Variants in CADM2 observed in about 807,000 individuals in gnomAD.
The protein encoded by CADM2 is cell adhesion molecule 2.
CADM2 carries 12 observed loss-of-function variants against 49.8 expected under a neutral mutation model. The observed-to-expected ratio is 0.24, with a 90% CI of 0.15 to 0.39. The LOEUF (loss-of-function observed/expected upper bound fraction) is 0.39. Among genes scored for constraint, CADM2 ranks in the 10% least tolerant of loss-of-function variants. CADM2 has a pLI of 1.00. For missense variants in CADM2, 378 were observed against 492.3 expected, an observed-to-expected ratio of 0.77 and a Z score of 2.20; for synonymous variants, 214 against 175.4, an observed-to-expected ratio of 1.22 and a Z score of -1.74.
chr3:85,052,008 C>T (rs2035900170), intron 1 of CADM2, among the ~76,000 whole-genome samples: 2 of 152,040 alleles, frequency 1.3e-5, no homozygotes, highest in Admixed American at 1.3e-4. Flanking sequence ...ATAGCTAAAC[C>T]AAATCTGGAA....
intron 3 of CADM2, among the ~76,000 whole-genome samples, chr3:85,827,799 C>A (rs541774328): frequency 6.6e-6 from 1 of 151,912 alleles, no homozygotes; most frequent in Non-Finnish European, 1.5e-5. Flanking sequence ...TCTCATATAT[C>A]GTACTCAAAG....
At chr3:85,468,145 C>T (rs2038593916) in intron 1 of CADM2, among the ~76,000 whole-genome samples, 2 of 102,156 alleles carry the variant, frequency 2.0e-5, no homozygotes, top group African/African-American at 4.2e-5. Context: ...CAGAGCGAGA[C>T]TCCGTCTCAA....
chr3:85,192,795 G>C (rs2041240366), intron 1 of CADM2, among the ~76,000 whole-genome samples: 1 of 151,862 alleles, frequency 6.6e-6, no homozygotes, highest in Non-Finnish European at 1.5e-5. Context: ...ACTTACTACA[G>C]GGTTAATGTT....
intron 1 of CADM2, among the ~76,000 whole-genome samples, chr3:85,298,482 G>A (rs903885351): frequency 1.3e-5 from 2 of 152,060 alleles, no homozygotes; most frequent in Non-Finnish European, 2.9e-5. Context: ...ATTCGTGATT[G>A]TAAACTGGTT....
intron 1 of CADM2, among the ~76,000 whole-genome samples, chr3:85,388,467 T>C (rs2034355360): frequency 6.6e-6 from 1 of 152,212 alleles, no homozygotes; most frequent in African/African-American, 2.4e-5. Context: ...TGTGATTTTG[T>C]ACATTAAAAA....
At chr3:85,350,127 A>G (rs898698062) in intron 1 of CADM2, among the ~76,000 whole-genome samples, 4 of 152,230 alleles carry the variant, frequency 2.6e-5, no homozygotes, top group African/African-American at 7.2e-5. Flanking sequence ...AGTCATCTTA[A>G]TATAGGCAGT....
chr3:85,889,765 C>T (rs1485610074), intron 5 of CADM2, among the ~76,000 whole-genome samples: 1 of 151,954 alleles, frequency 6.6e-6, no homozygotes, highest in African/African-American at 2.4e-5. Flanking sequence ...GTACCAATTC[C>T]TGAATTAGTC....
At chr3:85,372,207 A>G (rs953175857) in intron 1 of CADM2, among the ~76,000 whole-genome samples, 13 of 152,024 alleles carry the variant, frequency 8.6e-5, no homozygotes, top group African/African-American at 3.1e-4. Flanking sequence ...GAACCCAAAT[A>G]TATTTTGACA....
chr3:86,064,542 A>C (rs1739085729), intron 8 of CADM2, among the ~76,000 whole-genome samples: 1 of 152,166 alleles, frequency 6.6e-6, no homozygotes, highest in African/African-American at 2.4e-5. Context: ...TTATAGCAGC[A>C]TGATTTATAT....
chr3:85,063,774 C>T (rs1361962783), intron 1 of CADM2, among the ~76,000 whole-genome samples: 1 of 151,794 alleles, frequency 6.6e-6, no homozygotes, highest in East Asian at 1.9e-4. Context: ...ACATGAGTTC[C>T]ACCTTGACAA....
chr3:85,409,215 C>T (rs1485990468), intron 1 of CADM2, among the ~76,000 whole-genome samples: 6 of 152,000 alleles, frequency 3.9e-5, no homozygotes, highest in Admixed American at 6.6e-5. Flanking sequence ...GTATTATGTG[C>T]TGATTTTTCT....
intron 5 of CADM2, among the ~76,000 whole-genome samples, chr3:85,891,124 G>A (rs1714375833): frequency 6.6e-6 from 1 of 152,018 alleles, no homozygotes; most frequent in Non-Finnish European, 1.5e-5. Flanking sequence ...TCCCTTTGGT[G>A]CCTCTGGGCA....
At chr3:85,739,869 C>T (rs1482227220) in intron 2 of CADM2, among the ~76,000 whole-genome samples, 2 of 152,106 alleles carry the variant, frequency 1.3e-5, no homozygotes, top group Admixed American at 6.5e-5. Context: ...ATTATCAAAG[C>T]TTGTGATAGT....
At chr3:85,449,530 T>C (rs9309979) in intron 1 of CADM2, among the ~76,000 whole-genome samples, 131,007 of 151,624 alleles carry the variant, frequency 0.86, 56,733 homozygotes, top group East Asian at 0.95. Context: ...AGGTCTTTTT[T>C]TGACGTAGTA....
At chr3:85,834,752 A>C (rs1353214544) in intron 3 of CADM2, among the ~76,000 whole-genome samples, 5 of 150,928 alleles carry the variant, frequency 3.3e-5, no homozygotes, top group Non-Finnish European at 7.4e-5. Flanking sequence ...AAAAAAAAAA[A>C]CACGTTGGCC....
intron 1 of CADM2, among the ~76,000 whole-genome samples, chr3:85,383,045 T>A (rs2033992475): frequency 6.6e-6 from 1 of 152,136 alleles, no homozygotes; most frequent in South Asian, 2.1e-4. Context: ...GAGTCTCAGC[T>A]AATCCCAGCA....
At chr3:85,411,057 A>G (rs1051752874) in intron 1 of CADM2, among the ~76,000 whole-genome samples, 5 of 152,208 alleles carry the variant, frequency 3.3e-5, no homozygotes, top group Non-Finnish European at 5.9e-5. Flanking sequence ...TGACTAGTGC[A>G]CTCTGAAGTA....
At chr3:85,207,211 C>T (rs1482274941) in intron 1 of CADM2, among the ~76,000 whole-genome samples, 3 of 152,046 alleles carry the variant, frequency 2.0e-5, no homozygotes, top group Non-Finnish European at 4.4e-5. Flanking sequence ...TAAGTGTTGA[C>T]TCTTATTTTC....
At chr3:85,384,931 T>G (rs1024302692) in intron 1 of CADM2, among the ~76,000 whole-genome samples, 9 of 152,030 alleles carry the variant, frequency 5.9e-5, no homozygotes, top group Non-Finnish European at 1.2e-4. Flanking sequence ...TACTTTATTA[T>G]TTATTTATTT....
Sources: allele counts gnomAD v4.1 joint callset (sites outside exome capture counted in the v4.1 genomes callset), GRCh38; gene constraint gnomAD v4.1.1; transcripts MANE v1.5; gene names NCBI Gene and HGNC (gene_info 2026-07-23, HGNC 2026-07-21).